CACNA1E: variants seen among roughly 807,000 people sequenced by gnomAD.
CACNA1E encodes the protein calcium voltage-gated channel subunit alpha1 E, also known as voltage-dependent R-type calcium channel subunit alpha-1E.
A neutral mutation model predicts 259.2 loss-of-function variants in CACNA1E; 40 were observed. The ratio of observed to expected loss-of-function variants is 0.15; its 90% CI spans 0.12 to 0.20. CACNA1E has a LOEUF of 0.20. Ranked by LOEUF, CACNA1E falls within the 10% of genes least tolerant of loss-of-function variation. The pLI is 1.00. For synonymous variants in CACNA1E, 1,104 were observed against 1,138.5 expected, an observed-to-expected ratio of 0.97 and a Z score of 0.61; for missense variants, 1,874 against 3,040.1, an observed-to-expected ratio of 0.62 and a Z score of 9.02.
intron 1 of CACNA1E, among the ~76,000 whole-genome samples, chr1:181,486,865 A>T (rs140594241): frequency 6.6e-6 from 1 of 152,312 alleles, no homozygotes; most frequent in African/African-American, 2.4e-5. Context: ...GAGAGCAAGG[A>T]GCTGCATCCA....
intron 18 of CACNA1E, 126 bp from the exon 19 acceptor site, chr1:181,731,049 G>C: frequency 2.8e-6 from 2 of 715,142 alleles, no homozygotes; most frequent in South Asian, 3.1e-5. Context: ...AAGGCAAGCA[G>C]GCACATGGAG....
chr1:181,733,132 A>G lies in CACNA1E; in HGVS notation c.2948+98A>G, dbSNP rs1033396692. The G allele has an allele frequency of 3.5e-6, 5 of 1,416,016 alleles. No homozygotes were observed. The African/African-American group carries it at 5.8e-5, about 16-fold the overall frequency. The allele number at this position is 1,416,016 out of a possible 1,614,324, so 87.7% of individuals were successfully genotyped here. A position where few individuals can be genotyped will look rare whatever the true frequency, so the allele number is the denominator to read the frequency against. On this transcript the variant is annotated intron_variant, in intron 20 of 47. Transcript: ENST00000367573. ...CTGAGCTCCAGTTTCTTCTCCTATTATAAAATGGAAATGATGCTGACACAC... is the reference window on the plus strand; with the variant it reads ...CTGAGCTCCAGTTTCTTCTCCTATTGTAAAATGGAAATGATGCTGACACAC...
chr1:181,475,871 G>A (rs1044093527), intron 2 of CACNA1E, among the ~76,000 whole-genome samples: 5 of 152,142 alleles, frequency 3.3e-5, no homozygotes, highest in East Asian at 1.9e-4. Flanking sequence ...GAAATGAGGC[G>A]AAAGGTGAGG....
chr1:181,553,757 AATC>A (rs1260698233), intron 3 of CACNA1E, among the ~76,000 whole-genome samples: 1 of 152,204 alleles, frequency 6.6e-6, no homozygotes, highest in Non-Finnish European at 1.5e-5. Flanking sequence ...CTATTGAGAT[AATC>A]ATGTGGTTTT....
chr1:181,779,318 C>T, intron 38 of CACNA1E: 1 of 266,512 alleles, frequency 3.8e-6, no homozygotes, highest in East Asian at 9.5e-5. Flanking sequence ...CCTGGTCTGG[C>T]TTTGCCAGGC....
At chr1:181,374,306 A>G (rs1455874128) in intron 1 of CACNA1E, among the ~76,000 whole-genome samples, 2 of 151,560 alleles carry the variant, frequency 1.3e-5, no homozygotes, top group African/African-American at 2.4e-5. Flanking sequence ...ATGTAATTGT[A>G]TGGTTTTGAG....
chr1:181,769,836 T>C (rs558033323), intron 35 of CACNA1E, among the ~76,000 whole-genome samples: 104 of 152,258 alleles, frequency 6.8e-4, no homozygotes, highest in South Asian at 1.2e-3. Context: ...GGGCAGGAAA[T>C]GTGAACAGGG....
At chr1:181,331,379 G>T (rs1266696221) in intron 1 of CACNA1E, among the ~76,000 whole-genome samples, 3 of 152,158 alleles carry the variant, frequency 2.0e-5, no homozygotes, top group Non-Finnish European at 4.4e-5. Flanking sequence ...CAGTCCAAAG[G>T]CCTAAGAACC....
intron 16 of CACNA1E, among the ~76,000 whole-genome samples, chr1:181,723,770 A>G (rs1654629233): frequency 6.6e-6 from 1 of 152,182 alleles, no homozygotes; most frequent in Admixed American, 6.5e-5. Context: ...TATAAAGGAT[A>G]TTACAAAGGA....
chr1:181,735,020 C>A (rs1655906142), intron 21 of CACNA1E, among the ~76,000 whole-genome samples: 3 of 152,238 alleles, frequency 2.0e-5, no homozygotes, highest in Non-Finnish European at 4.4e-5. Context: ...TTTTCCTCTA[C>A]TTTTTCTGTA....
At chr1:181,780,638 C>T (rs183213736) in intron 38 of CACNA1E, among the ~76,000 whole-genome samples, 210 of 152,288 alleles carry the variant, frequency 1.4e-3, no homozygotes, top group African/African-American at 4.6e-3. Flanking sequence ...TGGTGAAACC[C>T]GCAGCCGCAT....
intron 10 of CACNA1E, 48 bp from the exon 11 acceptor site, chr1:181,717,045 A>G: frequency 6.5e-7 from 1 of 1,534,534 alleles, no homozygotes; most frequent in Non-Finnish European, 9.0e-7. Context: ...CCTGGCCCGG[A>G]CCACAGGATA....
intron 3 of CACNA1E, among the ~76,000 whole-genome samples, chr1:181,536,892 A>C: frequency 6.6e-6 from 1 of 151,782 alleles, no homozygotes; most frequent in Non-Finnish European, 1.5e-5. Flanking sequence ...GGTCTGAGGG[A>C]TAAGGTGGGT....
At chr1:181,672,866 T>A (rs966703752) in intron 7 of CACNA1E, among the ~76,000 whole-genome samples, 1 of 152,208 alleles carries the variant, frequency 6.6e-6, no homozygotes, top group Non-Finnish European at 1.5e-5. Flanking sequence ...ACCTTTGCTG[T>A]CCCTTAGTTT....
chr1:181,436,440 A>T (rs1660091394), intron 2 of CACNA1E, among the ~76,000 whole-genome samples: 1 of 152,252 alleles, frequency 6.6e-6, no homozygotes, highest in Non-Finnish European at 1.5e-5. Flanking sequence ...TATTCACAAT[A>T]GCTAAGATAT....
At position 181,798,626 on chromosome 1, in the gene CACNA1E, G is replaced by A. The variant is rs760290666; in HGVS notation, c.6734G>A (p.Gly2245Asp). 17 of 1,612,106 alleles carry A rather than the reference G, an allele frequency of 1.1e-5. No individual in the cohort carries two copies. Among genetic ancestry groups the A allele is most frequent in the Non-Finnish European group, 1.4e-5 (16 of 1,178,984 alleles). ...LHEDSHASDC[G>D]EEETLTFEAA... is the part of the protein sequence containing the mutation. ...GAAGACTCCCACGCCTCAGACTGTG[G>A]TGAGGAGGAGACGCTCACTTTCGAA... Residue 2245 changes from glycine to aspartate, a missense_variant, in exon 48 of 48, where the codon GGT (glycine) becomes GAT (aspartate). This residue lies in a region of CACNA1E where 542 missense variants were observed against 587.2 expected (regional missense o/e 0.92). Transcript: ENST00000367573. The surrounding 1 kb of genome is among the most constrained non-coding windows in gnomAD (Gnocchi z 4.2).
At chr1:181,412,727 C>T (rs1202783625) in intron 1 of CACNA1E, among the ~76,000 whole-genome samples, 4 of 152,152 alleles carry the variant, frequency 2.6e-5, no homozygotes, top group Non-Finnish European at 5.9e-5. Context: ...GCTAGCTGTC[C>T]GAGGTGGGGC....
chr1:181,323,121 C>T (rs188149928), intron 1 of CACNA1E, among the ~76,000 whole-genome samples: 7 of 152,318 alleles, frequency 4.6e-5, no homozygotes, highest in African/African-American at 1.4e-4. Context: ...TGCTGTCTTG[C>T]AGAGAGTATC....
chr1:181,752,294 T>C, intron 27 of CACNA1E, 55 bp downstream of exon 27: 1 of 1,281,058 alleles, frequency 7.8e-7, no homozygotes, highest in Non-Finnish European at 1.1e-6. Context: ...CTTCTCTCTT[T>C]AGCCATGGCT....
Sources: allele counts gnomAD v4.1 joint callset (sites outside exome capture counted in the v4.1 genomes callset), GRCh38; gene constraint gnomAD v4.1.1; regional missense constraint gnomAD v4.1.1; non-coding constraint Gnocchi (gnomAD v3.1); transcripts MANE v1.5; gene names NCBI Gene and HGNC (gene_info 2026-07-23, HGNC 2026-07-21).